The following TMEM245 variants were observed in gnomAD, a reference collection of about 807,000 sequenced individuals.
TMEM245 encodes transmembrane protein 245.
Under a neutral mutation model 101.2 loss-of-function variants are expected in TMEM245, and 69 were observed. That is an observed-to-expected ratio of 0.68 (90% CI 0.56 to 0.83). TMEM245 has a LOEUF of 0.83. TMEM245 is among the 40% of genes least tolerant of loss of function. TMEM245 has a pLI of 0.00. For synonymous variants in TMEM245, 537 were observed against 449.8 expected, an observed-to-expected ratio of 1.19 and a Z score of -2.45; for missense variants, 1,075 against 1,092.8, an observed-to-expected ratio of 0.98 and a Z score of 0.23.
chr9:109,060,259 T>C (rs573318773), intron 11 of TMEM245, 95 bp downstream of exon 11: 2 of 901,846 alleles, frequency 2.2e-6, no homozygotes, highest in East Asian at 5.3e-5. Context: ...TTTCCATGAA[T>C]GAAATCCCAC....
intron 1 of TMEM245, among the ~76,000 whole-genome samples, chr9:109,112,787 G>A (rs1373101117): frequency 1.3e-5 from 2 of 151,872 alleles, no homozygotes; most frequent in African/African-American, 4.8e-5. Context: ...TAGAGAAAAG[G>A]GATAATTCGG....
chr9:109,088,083 A>G (rs1362899050), intron 5 of TMEM245, among the ~76,000 whole-genome samples: 1 of 152,216 alleles, frequency 6.6e-6, no homozygotes, highest in South Asian at 2.1e-4. Context: ...TGGTAGGGCC[A>G]GAAAGAAGTG....
chr9:109,106,437 T>C (rs1444118681), intron 3 of TMEM245, 71 bp downstream of exon 3: 7 of 925,152 alleles, frequency 7.6e-6, no homozygotes, highest in East Asian at 5.2e-5. Context: ...TGTTTCATCA[T>C]AGCATTTTTT....
At chr9:109,092,809 C>T (rs1175706697) in intron 4 of TMEM245, among the ~76,000 whole-genome samples, 1 of 152,152 alleles carries the variant, frequency 6.6e-6, no homozygotes, top group East Asian at 1.9e-4. Context: ...GCTGGTATAT[C>T]TACCAGCTGG....
At chr9:109,111,398 T>C (rs895538102) in intron 1 of TMEM245, among the ~76,000 whole-genome samples, 2 of 152,176 alleles carry the variant, frequency 1.3e-5, no homozygotes, top group Non-Finnish European at 2.9e-5. Context: ...GAAGTTTTTG[T>C]TTCTTATCTG....
chr9:109,072,832 CTCATT>C (rs1588052163), intron 9 of TMEM245, among the ~76,000 whole-genome samples: 1 of 152,132 alleles, frequency 6.6e-6, no homozygotes, highest in East Asian at 1.9e-4. Context: ...ATGGTGAGAC[CTCATT>C]TCTTAAAAAT....
At chr9:109,071,786 C>T (rs1371981906) in intron 9 of TMEM245, among the ~76,000 whole-genome samples, 1 of 152,150 alleles carries the variant, frequency 6.6e-6, no homozygotes, top group South Asian at 2.1e-4. Flanking sequence ...GCAGGTCATA[C>T]AATGTGTCAT....
intron 7 of TMEM245, among the ~76,000 whole-genome samples, chr9:109,085,369 T>C (rs943278877): frequency 8.5e-5 from 13 of 152,252 alleles, no homozygotes; most frequent in East Asian, 1.9e-4. Flanking sequence ...ATTGAAGTTA[T>C]TAAAAGTGTG....
rs976244413 is a variant in TMEM245 at position 109,020,184 on chromosome 9, G to A, written c.*276C>T. ...CCAAAGTGGAAAAATTTCAAGCCAG[G>A]GTACCAGTGTATAAAATGAAACTTT... On this transcript the variant is annotated 3_prime_UTR_variant, in exon 18 of 18. Transcript: ENST00000374586. 2.5e-6 allele frequency: 1 copy of A among 407,284 alleles called. No homozygotes were observed. The highest frequency in any genetic ancestry group is 4.1e-5 in the Admixed American group (1 of 24,340). The allele number at this position is 407,284 out of a possible 1,614,324, so 25.2% of individuals were successfully genotyped here. A position where few individuals can be genotyped will look rare whatever the true frequency, so the allele number is the denominator to read the frequency against.
At chr9:109,101,315 C>T (rs1327131768) in intron 3 of TMEM245, among the ~76,000 whole-genome samples, 3 of 152,000 alleles carry the variant, frequency 2.0e-5, no homozygotes, top group Non-Finnish European at 4.4e-5. Flanking sequence ...AGTGATACAA[C>T]GGGACACTGG....
At position 109,015,445 on chromosome 9, in the gene TMEM245, G is replaced by A. The variant is rs1321152854; in HGVS notation, c.*5015C>T. ...TTCAGTTACCTAAATAAGTGGCACT[G>A]CAAAGGGCAAAGAAGGGTTTTCTTT... On this transcript the variant is annotated 3_prime_UTR_variant, in exon 18 of 18. Coordinates refer to ENST00000374586, the MANE Select transcript of TMEM245 (RefSeq NM_032012.4). 1 of 152,270 alleles carries A rather than the reference G, an allele frequency of 6.6e-6. No homozygotes were observed. Among genetic ancestry groups the A allele is most frequent in the Non-Finnish European group, 1.5e-5 (1 of 68,026 alleles). 9.4% of individuals were successfully genotyped at this position (152,270 alleles called of 1,614,324 possible).
chr9:109,023,964 C>T (rs1300167572), intron 17 of TMEM245, among the ~76,000 whole-genome samples: 3 of 151,950 alleles, frequency 2.0e-5, no homozygotes, highest in African/African-American at 7.3e-5. Context: ...AGTGTAGTCT[C>T]TCACTGTTCC....
chr9:109,053,688 C>T (rs982315509), intron 12 of TMEM245, among the ~76,000 whole-genome samples: 1 of 152,234 alleles, frequency 6.6e-6, no homozygotes, highest in Non-Finnish European at 1.5e-5. Flanking sequence ...GTCCACCACT[C>T]ACCAAACAAC....
intron 14 of TMEM245, among the ~76,000 whole-genome samples, chr9:109,049,785 C>A (rs996560843): frequency 6.6e-6 from 1 of 152,118 alleles, no homozygotes; most frequent in Non-Finnish European, 1.5e-5. Context: ...CAAGATCACA[C>A]CACTGCAATC....
intron 3 of TMEM245, among the ~76,000 whole-genome samples, chr9:109,102,304 T>A (rs1189034838): frequency 6.6e-6 from 1 of 152,166 alleles, no homozygotes; most frequent in Non-Finnish European, 1.5e-5. Flanking sequence ...GAGAGATATA[T>A]AGTTATGGTT....
rs755399182 is a variant in TMEM245, at chr9:109,032,365, C to CTTTTTTTTTTTTTTTTTTTT, written c.2594+922_2594+941dup. Among the ~76,000 whole-genome samples the CTTTTTTTTTTTTTTTTTTTT allele has an allele frequency of 3.0e-3, 124 of 40,980 alleles. 49 individuals are homozygous for CTTTTTTTTTTTTTTTTTTTT. Among genetic ancestry groups the CTTTTTTTTTTTTTTTTTTTT allele is most frequent in the Non-Finnish European group, 3.8e-3 (86 of 22,614 alleles). 26.9% of individuals were successfully genotyped at this position (40,980 alleles called of 152,430 possible). A position where few individuals can be genotyped will look rare whatever the true frequency, so the allele number is the denominator to read the frequency against. On this transcript the variant is annotated intron_variant, in intron 17 of 17. Transcript: ENST00000374586. ...GCATTTGGTTGTCCTATTTCTTTTC[C>CTTTTTTTTTTTTTTTTTTTT]TTTTTTTTTTTTTTTTTTTTTTTTT...
Position 109,119,694 on chromosome 9 carries a change from A to G in TMEM245, c.220T>C (p.Tyr74His). Residue 74 changes from tyrosine to histidine, a missense_variant, in exon 1 of 18, where the codon TAC (tyrosine) becomes CAC (histidine). Tyr to His is a moderately conservative substitution (Grantham distance 83, BLOSUM62 2). Around this residue, in one of 2 missense-constraint regions of TMEM245, gnomAD observed 808 missense variants for 741.5 expected, o/e 1.09. Transcript: ENST00000374586. ...CLCCGAAVLV[Y>H]FILEAFLRPL... Reference sequence around the variant, plus strand: ...CGCAGGAAGGCCTCCAGGATGAAGTAGACCAGCACCGCGGCGCCGCAGCAC... The same window carrying G: ...CGCAGGAAGGCCTCCAGGATGAAGTGGACCAGCACCGCGGCGCCGCAGCAC... The G allele has an allele frequency of 6.4e-7, 1 of 1,553,420 alleles. No homozygotes were observed. The highest frequency in any genetic ancestry group is 1.2e-5 in the South Asian group (1 of 84,256).
intron 14 of TMEM245, among the ~76,000 whole-genome samples, chr9:109,047,321 T>C (rs1037353371): frequency 6.6e-6 from 1 of 152,226 alleles, no homozygotes; most frequent in Admixed American, 6.5e-5. Context: ...CGAATCTAAT[T>C]TGTAAAAGAC....
At chr9:109,060,897 A>G (rs991108227) in intron 10 of TMEM245, among the ~76,000 whole-genome samples, 31 of 152,110 alleles carry the variant, frequency 2.0e-4, no homozygotes, top group African/African-American at 7.5e-4. Flanking sequence ...TCCTTCCTCT[A>G]TTTGCATGCT....
Sources: gnomAD v4.1 joint callset for allele counts (sites outside exome capture counted in the v4.1 genomes callset) on GRCh38, gnomAD v4.1.1 for gene constraint, gnomAD v4.1.1 regional missense constraint, MANE v1.5 for transcripts, NCBI Gene and HGNC (gene_info 2026-07-23, HGNC 2026-07-21) for gene names.